Variants in ATP10A observed in about 807,000 individuals in gnomAD.
ATP10A encodes the protein phospholipid-transporting ATPase VA.
A neutral mutation model predicts 147.8 loss-of-function variants in ATP10A; 111 were observed. The observed-to-expected ratio is 0.75, with a 90% confidence interval of 0.64 to 0.88. The LOEUF (loss-of-function observed/expected upper bound fraction) is 0.88, where lower values mean the gene tolerates loss of function less well. Ranked by LOEUF, ATP10A falls within the 40% of genes least tolerant of loss-of-function variation. The pLI, the probability that ATP10A is intolerant of heterozygous loss-of-function variation, is 0.00. For synonymous variants in ATP10A, 875 were observed against 841.6 expected, an observed-to-expected ratio of 1.04 and a Z score of -0.69; for missense variants, 1,927 against 1,959.0, an observed-to-expected ratio of 0.98 and a Z score of 0.31.
intron 2 of ATP10A, among the ~76,000 whole-genome samples, chr15:25,778,031 C>T (rs1252560278): frequency 6.6e-6 from 1 of 152,018 alleles, no homozygotes; most frequent in Non-Finnish European, 1.5e-5. Flanking sequence ...ACTAAGAATT[C>T]TTCACATCAG....
At chr15:25,710,289 C>T (rs1901322966) in intron 10 of ATP10A, 1 of 152,302 alleles carries the variant, frequency 6.6e-6, no homozygotes, top group Non-Finnish European at 1.5e-5. Flanking sequence ...CCCGGCGCCC[C>T]CTGCTGGGCA....
intron 3 of ATP10A, among the ~76,000 whole-genome samples, chr15:25,730,161 C>A (rs529245043): frequency 3.6e-4 from 55 of 151,266 alleles, no homozygotes; most frequent in African/African-American, 1.3e-3. Flanking sequence ...AATAGCCAGG[C>A]ATGGTGGTAC....
chr15:25,822,668 C>T (rs1212653142), intron 1 of ATP10A, among the ~76,000 whole-genome samples: 3 of 152,212 alleles, frequency 2.0e-5, no homozygotes, highest in African/African-American at 7.2e-5. Context: ...CACATACCCT[C>T]TGTACCCCTC....
chr15:25,686,911 C>T (rs1899728901), intron 16 of ATP10A, among the ~76,000 whole-genome samples: 1 of 108,396 alleles, frequency 9.2e-6, no homozygotes, highest in Non-Finnish European at 1.7e-5. Context: ...ATGCAGAACC[C>T]TCAGAGAGAC....
At chr15:25,712,053 T>C (rs946835384) in intron 10 of ATP10A, among the ~76,000 whole-genome samples, 2 of 152,134 alleles carry the variant, frequency 1.3e-5, no homozygotes, top group African/African-American at 4.8e-5. Context: ...TGCCTCTTGA[T>C]AATGCTCTAT....
chr15:25,855,730 G>C (rs1402773118), intron 1 of ATP10A, among the ~76,000 whole-genome samples: 1 of 152,134 alleles, frequency 6.6e-6, no homozygotes, highest in African/African-American at 2.4e-5. Context: ...GAAATGTAAG[G>C]TATCAAGTTG....
At chr15:25,864,057 C>G (rs899414120), upstream of ATP10A, among the ~76,000 whole-genome samples, 6 of 151,274 alleles carry the variant, frequency 4.0e-5, no homozygotes, top group Admixed American at 3.9e-4. Flanking sequence ...AGGACCGAAA[C>G]GCTCCTTGTG....
At chr15:25,788,076 G>C (rs1468274165) in intron 1 of ATP10A, among the ~76,000 whole-genome samples, 1 of 152,172 alleles carries the variant, frequency 6.6e-6, no homozygotes, top group Admixed American at 6.5e-5. Context: ...AACGTGGGCA[G>C]GGCACACCTG....
chr15:25,689,895 A>C (rs1899923849), intron 15 of ATP10A, among the ~76,000 whole-genome samples: 1 of 152,220 alleles, frequency 6.6e-6, no homozygotes, highest in East Asian at 1.9e-4. Flanking sequence ...TGTTTGATCC[A>C]AAAGATGTTT....
intron 1 of ATP10A, among the ~76,000 whole-genome samples, chr15:25,845,597 C>G (rs1054941961): frequency 6.6e-6 from 1 of 152,164 alleles, no homozygotes; most frequent in Non-Finnish European, 1.5e-5. Context: ...CAGCAACTCT[C>G]CTGGGCTCCC....
chr15:25,849,048 G>C (rs528262951), intron 1 of ATP10A, among the ~76,000 whole-genome samples: 1 of 152,156 alleles, frequency 6.6e-6, no homozygotes, highest in South Asian at 2.1e-4. Context: ...ACCTTGGTGA[G>C]AGGAGGGAGA....
At chr15:25,775,092 G>T (rs1889538912) in intron 2 of ATP10A, among the ~76,000 whole-genome samples, 1 of 152,152 alleles carries the variant, frequency 6.6e-6, no homozygotes, top group Non-Finnish European at 1.5e-5. Flanking sequence ...GATAGATTAT[G>T]CTGCCTCCTT....
At chr15:25,810,463 T>C (rs1891380170) in intron 1 of ATP10A, among the ~76,000 whole-genome samples, 3 of 152,214 alleles carry the variant, frequency 2.0e-5, no homozygotes, top group African/African-American at 4.8e-5. Context: ...ATGGGCATCA[T>C]GTGTTTAGTT....
In ATP10A at chr15:25,863,121, C is replaced by T; in HGVS notation, c.-25G>A. 2 of 1,152,198 alleles carry T rather than the reference C, an allele frequency of 1.7e-6. No individual in the cohort carries two copies. Among genetic ancestry groups the T allele is most frequent in the African/African-American group, 1.6e-5 (1 of 61,344 alleles). The allele number at this position is 1,152,198 out of a possible 1,614,324, so 71.4% of individuals were successfully genotyped here. A position where few individuals can be genotyped will look rare whatever the true frequency, so the allele number is the denominator to read the frequency against. On this transcript the variant is annotated 5_prime_UTR_variant, in exon 1 of 21. Coordinates refer to ENST00000555815, the MANE Select transcript of ATP10A (RefSeq NM_024490.4). ...TGGCCGCGTGTCGCCGCGCCCGGCT[C>T]CTCCGCCGCTCACGCCCGCCCGCGC...
intron 1 of ATP10A, chr15:25,862,293 G>A (rs1225291907): frequency 2.0e-6 from 1 of 508,808 alleles, no homozygotes; most frequent in African/African-American, 1.9e-5. Flanking sequence ...TCAGGCCAGG[G>A]GGCCAGGCTG....
intron 1 of ATP10A, among the ~76,000 whole-genome samples, chr15:25,808,335 T>C (rs1200809030): frequency 6.6e-6 from 1 of 152,192 alleles, no homozygotes; most frequent in Non-Finnish European, 1.5e-5. Flanking sequence ...TCACAACAGC[T>C]CTCATAGAAA....
intron 6 of ATP10A, among the ~76,000 whole-genome samples, chr15:25,722,376 A>C (rs1476637413): frequency 1.3e-5 from 2 of 152,198 alleles, no homozygotes; most frequent in African/African-American, 4.8e-5. Flanking sequence ...CAAACACAAC[A>C]GACAGTCTTT....
intron 2 of ATP10A, among the ~76,000 whole-genome samples, chr15:25,766,473 A>G (rs937711624): frequency 2.0e-5 from 3 of 151,852 alleles, no homozygotes; most frequent in Admixed American, 2.0e-4. Context: ...CAAGCCCCCA[A>G]ATGCTCCACC....
intron 1 of ATP10A, among the ~76,000 whole-genome samples, chr15:25,802,010 G>C (rs185404834): frequency 2.6e-5 from 4 of 152,298 alleles, no homozygotes; most frequent in Admixed American, 2.6e-4. Context: ...TGCAGGACAA[G>C]GGCATGTGGC....
Sources: gnomAD v4.1 joint callset for allele counts (sites outside exome capture counted in the v4.1 genomes callset) on GRCh38, gnomAD v4.1.1 for gene constraint, MANE v1.5 for transcripts, NCBI Gene and HGNC (gene_info 2026-07-23, HGNC 2026-07-21) for gene names.